Variants in CDC37 observed in about 807,000 individuals in gnomAD.
The protein encoded by CDC37 is cell division cycle 37, HSP90 cochaperone, also known as hsp90 co-chaperone Cdc37.
CDC37 carries 9 observed loss-of-function variants against 46.9 expected under a neutral mutation model. The ratio of observed to expected loss-of-function variants is 0.19; its 90% CI spans 0.12 to 0.33. The LOEUF (loss-of-function observed/expected upper bound fraction) is 0.33, where lower values mean the gene tolerates loss of function less well. CDC37 is among the 10% of genes least tolerant of loss of function. The pLI is 1.00. For missense variants in CDC37, 388 were observed against 514.6 expected, an observed-to-expected ratio of 0.75 and a Z score of 2.38; for synonymous variants, 193 against 191.0, an observed-to-expected ratio of 1.01 and a Z score of -0.09.
In CDC37 at chr19:10,403,396, G is replaced by C. The variant is rs758245087; in HGVS notation, c.84C>G (p.Leu28=). The change falls in exon 1 of 8, where the codon CTC becomes CTG. Residue 28 remains leucine, a synonymous_variant. Coordinates refer to ENST00000222005, the MANE Select transcript of CDC37 (RefSeq NM_007065.4). The part of the protein sequence containing the change: ...ETHPNIDTAS[L]FRWRHQARVE... ...GCCTTACCTGATGCCGCCAGCGGAAGAGACTGGCCGTGTCGATGTTGGGGT... is the reference window on the plus strand; with the variant it reads ...GCCTTACCTGATGCCGCCAGCGGAACAGACTGGCCGTGTCGATGTTGGGGT... 6.2e-7 allele frequency: 1 copy of C among 1,612,820 alleles called. No individual in the cohort carries two copies. The highest frequency in any genetic ancestry group is 1.3e-5 in the African/African-American group (1 of 75,042).
chr19:10,396,280 G>A lies in CDC37; in HGVS notation c.103-77C>T, dbSNP rs2042491980. 1 of 1,487,544 alleles carries A rather than the reference G, an allele frequency of 6.7e-7. No homozygotes were observed. The highest frequency in any genetic ancestry group is 9.1e-7 in the Non-Finnish European group (1 of 1,100,150). The allele number at this position is 1,487,544 out of a possible 1,614,324, so 92.1% of individuals were successfully genotyped here. A position where few individuals can be genotyped will look rare whatever the true frequency, so the allele number is the denominator to read the frequency against. On this transcript the variant is annotated intron_variant, in intron 1 of 7. Transcript: ENST00000222005. This position sits in a 1 kb window ranked among gnomAD's most constrained non-coding sequence, Gnocchi z 5.9. ...CCGCCCCATACCCAATCCCTGCACC[G>A]GAGATGGCCCCAGGAAAAAGTACGC...
rs1037353288 is a variant in CDC37, at chr19:10,398,144, C to G, written c.103-1941G>C. ...ACCAGGGAGGCCTGTGAAGCCCATGCATTTGACCACGTGACCAGAGTCCTC... is the reference window on the plus strand; with the variant it reads ...ACCAGGGAGGCCTGTGAAGCCCATGGATTTGACCACGTGACCAGAGTCCTC... On this transcript the variant is annotated intron_variant, in intron 1 of 7. Coordinates refer to ENST00000222005, the MANE Select transcript of CDC37 (RefSeq NM_007065.4). The surrounding 1 kb of genome is among the most constrained non-coding windows in gnomAD (Gnocchi z 4.2). Among the ~76,000 whole-genome samples, 17 of 152,200 alleles carry G rather than the reference C, an allele frequency of 1.1e-4. No individual in the cohort carries two copies. Among genetic ancestry groups the G allele is most frequent in the Non-Finnish European group, 8.8e-5 (6 of 68,044 alleles).
In CDC37 at chr19:10,396,096, C is replaced by T. The variant is rs1297760866; in HGVS notation, c.210G>A (p.Glu70=). Residue 70 remains glutamate, a synonymous_variant, in exon 2 of 8, where the codon GAG becomes GAA. Transcript: ENST00000222005. This position sits in a 1 kb window ranked among gnomAD's most constrained non-coding sequence, Gnocchi z 5.9. ...KVAECQRKLK[E]LEVAEGGKAE... ...CCTTGCCGCCCTCGGCCACCTCCAG[C>T]TCCTTCAGTTTCCTCTGGCACTCGG... The T allele has an allele frequency of 6.2e-7, 1 of 1,614,118 alleles. No homozygotes were observed. Among genetic ancestry groups the T allele is most frequent in the South Asian group, 1.1e-5 (1 of 91,078 alleles).
intron 1 of CDC37, among the ~76,000 whole-genome samples, chr19:10,399,703 G>A (rs139646375): frequency 0.021 from 3,128 of 151,160 alleles, 101 homozygotes; most frequent in African/African-American, 0.071. Flanking sequence ...GAGGCCAGGC[G>A]GGCAGATCAT....
At chr19:10,395,902 C>T in intron 2 of CDC37, 26 bp downstream of exon 2, 1 of 1,582,772 alleles carries the variant, frequency 6.3e-7, no homozygotes, top group Non-Finnish European at 8.7e-7. Context: ...CGCATGCGCA[C>T]TGCCCGCCCC....
At chr19:10,399,768 T>G (rs1056184649) in intron 1 of CDC37, among the ~76,000 whole-genome samples, 6 of 149,896 alleles carry the variant, frequency 4.0e-5, no homozygotes, top group South Asian at 4.2e-4. Context: ...CATCTCTACT[T>G]AAAAAATACA....
intron 2 of CDC37, 88 bp downstream of exon 2, chr19:10,395,840 C>T (rs2042487684): frequency 4.1e-6 from 6 of 1,473,896 alleles, no homozygotes; most frequent in Non-Finnish European, 4.6e-6. Context: ...CGGGGTCCTC[C>T]CCTGACCAGG....
At position 10,393,642 on chromosome 19, in the gene CDC37, G is replaced by C. The variant is rs112872529; in HGVS notation, c.727-201C>G. On this transcript the variant is annotated intron_variant, in intron 5 of 7. Coordinates refer to ENST00000222005, the MANE Select transcript of CDC37 (RefSeq NM_007065.4). The surrounding 1 kb of genome is among the most constrained non-coding windows in gnomAD (Gnocchi z 4.9). ...CATTTGCCAAAGACCACCTGCTTGG[G>C]AGCCCTGCTCTACTGCAGATCTGAG... 1.6e-5 allele frequency: 9 copies of C among 573,840 alleles called. No individual in the cohort carries two copies. Among genetic ancestry groups the C allele is most frequent in the Non-Finnish European group, 2.4e-5 (8 of 329,008 alleles). The allele number at this position is 573,840 out of a possible 1,614,324, so 35.5% of individuals were successfully genotyped here.
Position 10,395,062 on chromosome 19 carries a change from C to A in CDC37, c.685G>T (p.Asp229Tyr), listed in dbSNP as rs1442847515. ...AACTGCCGGAAGCAGGCCCGGGGGT[C>A]CACCTTTAGGCTCTTGGCCAGCTCC... The part of the protein sequence containing the change: ...ILELAKSLKV[D>Y]PRACFRQFFT... The change falls in exon 5 of 8, where the codon GAC (aspartate) becomes TAC (tyrosine). Residue 229 changes from aspartate (D) to tyrosine (Y), a missense_variant. Physicochemically the swap from Asp to Tyr is radical, Grantham distance 160 (BLOSUM62 -3). This residue lies in a region of CDC37 where 374 missense variants were observed against 467.4 expected (regional missense o/e 0.80). Coordinates refer to ENST00000222005, the MANE Select transcript of CDC37 (RefSeq NM_007065.4). 1 of 1,539,358 alleles carries A rather than the reference C, an allele frequency of 6.5e-7. No individual in the cohort carries two copies. Among genetic ancestry groups the A allele is most frequent in the Non-Finnish European group, 8.8e-7 (1 of 1,140,778 alleles).
Position 10,395,078 on chromosome 19 carries a change from G to A in CDC37, c.669C>T (p.Ala223=), listed in dbSNP as rs1257732635. The A allele has an allele frequency of 2.6e-6, 4 of 1,560,572 alleles. No homozygotes were observed. Among genetic ancestry groups the A allele is most frequent in the Non-Finnish European group, 3.5e-6 (4 of 1,150,138 alleles). Residue 223 remains alanine (A), a synonymous_variant, in exon 5 of 8, where the codon GCC becomes GCT. Transcript: ENST00000222005. ...TIVMQFILEL[A]KSLKVDPRAC... ...CCCGGGGGTCCACCTTTAGGCTCTT[G>A]GCCAGCTCCAGGATAAATTGCATGA...
At position 10,395,779 on chromosome 19, in the gene CDC37, C is replaced by T. The variant is rs28382783; in HGVS notation, c.378+149G>A. ...GCCTGTCCCCCCTCCCACGTGGCCC[C>T]CGTCCATCCCTCAGCTCCCCGCCCC... On this transcript the variant is annotated intron_variant, in intron 2 of 7. Transcript: ENST00000222005. 1.5e-3 allele frequency: 718 copies of T among 479,062 alleles called. 7 individuals are homozygous for T. The East Asian group carries it at 0.039, about 26-fold the overall frequency. The allele number at this position is 479,062 out of a possible 1,614,324, so 29.7% of individuals were successfully genotyped here.
intron 7 of CDC37, chr19:10,392,789 G>A: frequency 2.1e-6 from 1 of 479,564 alleles, no homozygotes; most frequent in Non-Finnish European, 3.7e-6. Flanking sequence ...CACGCATTTT[G>A]TGAGCTGATA....
chr19:10,401,899 A>T (rs929948669), intron 1 of CDC37, among the ~76,000 whole-genome samples: 1 of 152,158 alleles, frequency 6.6e-6, no homozygotes, highest in African/African-American at 2.4e-5. Flanking sequence ...TCACGCCTGT[A>T]ATCCCAGCAC....
At chr19:10,402,492 G>C (rs557468312) in intron 1 of CDC37, among the ~76,000 whole-genome samples, 1 of 152,254 alleles carries the variant, frequency 6.6e-6, no homozygotes, top group East Asian at 1.9e-4. Context: ...GCTTGAGTTA[G>C]GGGAGAGTTT....
rs779190160 is a variant in CDC37 at position 10,395,056 on chromosome 19, G to A, written c.691C>T (p.Arg231Trp). The A allele has an allele frequency of 5.1e-5, 78 of 1,535,682 alleles. No homozygotes were observed. The highest frequency in any genetic ancestry group is 6.7e-5 in the Non-Finnish European group (76 of 1,139,616). Residue 231 changes from arginine (R) to tryptophan (W), a missense_variant, in exon 5 of 8, where the codon CGG becomes TGG. Coordinates refer to ENST00000222005, the MANE Select transcript of CDC37 (RefSeq NM_007065.4). ...GTGAAGAACTGCCGGAAGCAGGCCC[G>A]GGGGTCCACCTTTAGGCTCTTGGCC... ...ELAKSLKVDP[R>W]ACFRQFFTKI...
At chr19:10,399,589 C>T (rs2042508036) in intron 1 of CDC37, among the ~76,000 whole-genome samples, 2 of 150,538 alleles carry the variant, frequency 1.3e-5, no homozygotes, top group South Asian at 4.2e-4. Context: ...ATCACTTGAG[C>T]TCAGGAATTT....
Position 10,393,205 on chromosome 19 carries a change from T to C in CDC37, c.910-48A>G, listed in dbSNP as rs1568353819. 3 of 1,612,208 alleles carry C rather than the reference T, an allele frequency of 1.9e-6. No individual in the cohort carries two copies. Among genetic ancestry groups the C allele is most frequent in the Admixed American group, 3.3e-5 (2 of 59,958 alleles). On this transcript the variant is annotated intron_variant, in intron 6 of 7. Coordinates refer to ENST00000222005, the MANE Select transcript of CDC37 (RefSeq NM_007065.4). This position sits in a 1 kb window ranked among gnomAD's most constrained non-coding sequence, Gnocchi z 4.9. ...GTCAGGGGCTGGGTCCCTGTGGCCC[T>C]GGGGGGTCCCGCTCAGGGTCTTCCT...
intron 5 of CDC37, among the ~76,000 whole-genome samples, chr19:10,394,032 G>T (rs2042473959): frequency 6.6e-6 from 1 of 152,182 alleles, no homozygotes; most frequent in Admixed American, 6.5e-5. Context: ...GGAGGTTGCA[G>T]TGAGCCGAGA....
intron 1 of CDC37, among the ~76,000 whole-genome samples, chr19:10,402,219 C>A (rs1663898923): frequency 6.7e-6 from 1 of 148,186 alleles, no homozygotes; most frequent in Non-Finnish European, 1.5e-5. Context: ...TGCAGGCACA[C>A]TCATTTGGGG....
Sources: gnomAD v4.1 joint callset for allele counts (sites outside exome capture counted in the v4.1 genomes callset) on GRCh38, gnomAD v4.1.1 for gene constraint, gnomAD v4.1.1 regional missense constraint, Gnocchi (gnomAD v3.1) non-coding constraint, MANE v1.5 for transcripts, NCBI Gene and HGNC (gene_info 2026-07-23, HGNC 2026-07-21) for gene names.